The following CEP128 variants were observed in gnomAD, a reference collection of about 807,000 sequenced individuals.
CEP128 encodes centrosomal protein 128.
Under a neutral mutation model 156.7 loss-of-function variants are expected in CEP128, and 132 were observed. That is an observed-to-expected ratio of 0.84 (90% CI 0.73 to 0.97). CEP128 has a LOEUF of 0.97. CEP128 is among the 50% of genes least tolerant of loss of function. The probability of loss-of-function intolerance (pLI) is 0.00; values close to 1 mark genes in which losing one functional copy is unlikely to be tolerated. For synonymous variants in CEP128, 469 were observed against 448.9 expected, an observed-to-expected ratio of 1.04 and a Z score of -0.57; for missense variants, 1,252 against 1,281.9, an observed-to-expected ratio of 0.98 and a Z score of 0.36.
At chr14:80,565,872 T>C (rs960313461) in intron 20 of CEP128, among the ~76,000 whole-genome samples, 1 of 152,192 alleles carries the variant, frequency 6.6e-6, no homozygotes, top group African/African-American at 2.4e-5. Context: ...TGAGTACAGT[T>C]GAAAAGTCTA....
chr14:80,735,938 A>C (rs1566885297), intron 19 of CEP128, among the ~76,000 whole-genome samples: 1 of 152,102 alleles, frequency 6.6e-6, no homozygotes, highest in African/African-American at 2.4e-5. Flanking sequence ...TGTCCCAGAT[A>C]ATACAGGATA....
chr14:80,942,711 C>G (rs1319533422), upstream of CEP128, among the ~76,000 whole-genome samples: 3 of 152,096 alleles, frequency 2.0e-5, no homozygotes, highest in Non-Finnish European at 4.4e-5. Flanking sequence ...AGGGACCTAA[C>G]CTTTTTTGTA....
intron 9 of CEP128, among the ~76,000 whole-genome samples, chr14:80,847,305 C>T (rs1886656012): frequency 6.6e-6 from 1 of 152,094 alleles, no homozygotes; most frequent in African/African-American, 2.4e-5. Flanking sequence ...CCTTTGAAAA[C>T]TAAATCCTAT....
At chr14:80,871,337 G>A (rs1467341161) in intron 8 of CEP128, among the ~76,000 whole-genome samples, 1 of 152,144 alleles carries the variant, frequency 6.6e-6, no homozygotes, top group Admixed American at 6.5e-5. Context: ...TAAACCCACT[G>A]AGAAGAGATG....
intron 18 of CEP128, among the ~76,000 whole-genome samples, chr14:80,747,227 C>T (rs933957447): frequency 1.3e-5 from 2 of 152,114 alleles, no homozygotes; most frequent in Non-Finnish European, 2.9e-5. Flanking sequence ...AGTTCTACTC[C>T]CAGGTAAGTA....
At chr14:80,730,884 A>G (rs1898241492) in intron 19 of CEP128, among the ~76,000 whole-genome samples, 1 of 152,152 alleles carries the variant, frequency 6.6e-6, no homozygotes, top group South Asian at 2.1e-4. Flanking sequence ...TAAATTCATT[A>G]ATTGGGCCTT....
chr14:80,683,149 A>T (rs1896388700), intron 19 of CEP128, among the ~76,000 whole-genome samples: 1 of 152,162 alleles, frequency 6.6e-6, no homozygotes, highest in South Asian at 2.1e-4. Flanking sequence ...AATATAAGTG[A>T]TCTAAATGTC....
intron 13 of CEP128, among the ~76,000 whole-genome samples, chr14:80,810,893 G>T (rs1041811180): frequency 1.3e-5 from 2 of 152,138 alleles, no homozygotes; most frequent in African/African-American, 2.4e-5. Context: ...CATCACCTAG[G>T]TATTAAGTTT....
Position 80,836,613 on chromosome 14 carries a change from C to G in CEP128, c.925-276G>C, listed in dbSNP as rs543786895. ...CTCAGTCTACTCCATTACTATTAAC[C>G]CAAATCAACTTCAATTAAGTATTAT... On this transcript the variant is annotated intron_variant, in intron 11 of 24. Transcript: ENST00000555265. Among the ~76,000 whole-genome samples, 14 of 152,124 alleles carry G rather than the reference C, an allele frequency of 9.2e-5. No homozygotes were observed. The East Asian group carries it at 2.7e-3, about 29-fold the overall frequency.
rs1047935330 is a variant in CEP128 at position 80,866,603 on chromosome 14, A to G, written c.646-3730T>C. Among the ~76,000 whole-genome samples the G allele has an allele frequency of 3.3e-5, 5 of 152,190 alleles. No individual in the cohort carries two copies. In the East Asian group the frequency reaches 9.6e-4, roughly 29 times the overall value. ...ATGAGCCCTGCTAGAGAGCCTACCA[A>G]AAATCTCTGCATAGACTCATTAAGT... On this transcript the variant is annotated intron_variant, in intron 8 of 24. Transcript: ENST00000555265.
intron 19 of CEP128, among the ~76,000 whole-genome samples, chr14:80,682,605 T>A (rs1442081664): frequency 6.6e-6 from 1 of 152,162 alleles, no homozygotes; most frequent in Admixed American, 6.5e-5. Flanking sequence ...ACTTGAAAGA[T>A]ACTATACAAA....
chr14:80,483,695 C>T (rs1418244819), intron 14 of CEP128, among the ~76,000 whole-genome samples: 1 of 152,198 alleles, frequency 6.6e-6, no homozygotes, highest in Non-Finnish European at 1.5e-5. Flanking sequence ...GTATTTTGAA[C>T]ACTTATTGTA....
intron 19 of CEP128, among the ~76,000 whole-genome samples, chr14:80,716,230 C>G (rs962363931): frequency 2.6e-5 from 4 of 152,176 alleles, no homozygotes; most frequent in Non-Finnish European, 4.4e-5. Flanking sequence ...AAAATTCACA[C>G]ACCATATAAT....
intron 22 of CEP128, among the ~76,000 whole-genome samples, chr14:80,528,351 C>T (rs1012725213): frequency 2.6e-5 from 4 of 152,238 alleles, no homozygotes; most frequent in Non-Finnish European, 4.4e-5. Flanking sequence ...TGCAATGGCA[C>T]GATCTCAGTG....
In CEP128 at chr14:80,916,563, C is replaced by G. The variant is rs1314088230; in HGVS notation, c.-15-1G>C. On this transcript the variant is annotated splice_acceptor_variant, in intron 2 of 24. Coordinates refer to ENST00000555265, the MANE Select transcript of CEP128 (RefSeq NM_152446.5). LOFTEE classifies it low-confidence loss of function (5UTR_SPLICE). The stretch of plus-strand genomic sequence containing the variant: ...ATTCTGCCATTGATGTACACAAATC[C>G]TTTTAAATAAATATAGGTCAAAGTT... The G allele has an allele frequency of 6.2e-7, 1 of 1,605,338 alleles. No individual in the cohort carries two copies. Among genetic ancestry groups the G allele is most frequent in the Non-Finnish European group, 8.5e-7 (1 of 1,175,458 alleles).
intron 19 of CEP128, among the ~76,000 whole-genome samples, chr14:80,741,804 T>C (rs1401303091): frequency 1.3e-5 from 2 of 152,108 alleles, no homozygotes; most frequent in Non-Finnish European, 2.9e-5. Flanking sequence ...GTCAGAAATA[T>C]CTAAACTTAA....
intron 19 of CEP128, among the ~76,000 whole-genome samples, chr14:80,595,404 T>C (rs1892270800): frequency 6.6e-6 from 1 of 152,156 alleles, no homozygotes; most frequent in African/African-American, 2.4e-5. Flanking sequence ...CAAACCACCA[T>C]GGCACCTGTA....
intron 16 of CEP128, among the ~76,000 whole-genome samples, chr14:80,764,484 C>T (rs890853730): frequency 1.4e-4 from 21 of 146,938 alleles, no homozygotes; most frequent in African/African-American, 3.0e-4. Flanking sequence ...CCGGCCTGGG[C>T]GACAGAGCGA....
intron 8 of CEP128, among the ~76,000 whole-genome samples, chr14:80,886,644 A>G (rs1301412073): frequency 1.3e-5 from 2 of 152,240 alleles, no homozygotes; most frequent in Non-Finnish European, 2.9e-5. Flanking sequence ...AAATATGGAA[A>G]GGAAAAACCA....
Sources: allele counts gnomAD v4.1 joint callset (sites outside exome capture counted in the v4.1 genomes callset), GRCh38; gene constraint gnomAD v4.1.1; transcripts MANE v1.5; gene names NCBI Gene and HGNC (gene_info 2026-07-23, HGNC 2026-07-21).